The following MDGA2 variants were observed in gnomAD, a reference collection of about 807,000 sequenced individuals.
MDGA2 encodes MAM domain-containing glycosylphosphatidylinositol anchor protein 2.
A neutral mutation model predicts 117.8 loss-of-function variants in MDGA2; 40 were observed. That is an observed-to-expected ratio of 0.34 (90% CI 0.26 to 0.44). The LOEUF (loss-of-function observed/expected upper bound fraction) is 0.44, where lower values mean the gene tolerates loss of function less well. Ranked by LOEUF, MDGA2 falls within the 20% of genes least tolerant of loss-of-function variation. The pLI is 1.00. For synonymous variants in MDGA2, 452 were observed against 439.0 expected (o/e 1.03, Z -0.37); for missense variants, 1,123 against 1,250.6 (o/e 0.90, Z 1.54).
intron 2 of MDGA2, among the ~76,000 whole-genome samples, chr14:47,274,037 T>G (rs922713847): frequency 2.0e-5 from 3 of 152,158 alleles, no homozygotes; most frequent in Non-Finnish European, 2.9e-5. Flanking sequence ...CTTTTATTTT[T>G]TTAACGGCTT....
intron 10 of MDGA2, among the ~76,000 whole-genome samples, chr14:46,882,827 A>G (rs1017318734): frequency 6.6e-6 from 1 of 151,936 alleles, no homozygotes; most frequent in African/African-American, 2.4e-5. Context: ...ATCAGAGGAC[A>G]TCTCCATAAG....
intron 1 of MDGA2, among the ~76,000 whole-genome samples, chr14:47,433,540 G>A (rs1481821012): frequency 6.6e-6 from 1 of 152,074 alleles, no homozygotes; most frequent in African/African-American, 2.4e-5. Context: ...TCTTAATGAA[G>A]ATATTCCCTA....
chr14:47,072,100 T>G (rs1419962207), intron 6 of MDGA2, among the ~76,000 whole-genome samples: 1 of 27,916 alleles, frequency 3.6e-5, no homozygotes, highest in African/African-American at 1.2e-4. Flanking sequence ...TTGTTGTTGT[T>G]TGGGGGGGGG....
At chr14:47,355,540 G>A (rs535358326) in intron 1 of MDGA2, among the ~76,000 whole-genome samples, 22 of 152,094 alleles carry the variant, frequency 1.4e-4, no homozygotes, top group African/African-American at 5.3e-4. Flanking sequence ...TACCAGAAAA[G>A]GACCCTATAG....
At position 47,061,496 on chromosome 14, in the gene MDGA2, T is replaced by C; in HGVS notation, c.1278A>G (p.Ile426Met). 3 of 1,613,450 alleles carry C rather than the reference T, an allele frequency of 1.9e-6. No individual in the cohort carries two copies. Among genetic ancestry groups the C allele is most frequent in the Non-Finnish European group, 2.5e-6 (3 of 1,179,584 alleles). Residue 426 changes from isoleucine to methionine, a missense_variant, in exon 7 of 17, where the codon ATA (isoleucine) becomes ATG (methionine). Coordinates refer to ENST00000399232, the MANE Select transcript of MDGA2 (RefSeq NM_001113498.3). ...DNIQIGREVK[I>M]SCQVEAVPSE... The stretch of plus-strand genomic sequence containing the variant: ...AAGGAACAGCTTCTACTTGGCAAGA[T>C]ATTTTCACCTCACGGCCAATCTGGA...
At chr14:47,173,628 C>T (rs1425712383) in intron 3 of MDGA2, among the ~76,000 whole-genome samples, 4 of 152,052 alleles carry the variant, frequency 2.6e-5, no homozygotes, top group Non-Finnish European at 4.4e-5. Flanking sequence ...CAGGCCTGCC[C>T]TAAAAGAGCT....
At chr14:46,966,134 C>A (rs539541888) in intron 8 of MDGA2, among the ~76,000 whole-genome samples, 7 of 152,122 alleles carry the variant, frequency 4.6e-5, no homozygotes, top group African/African-American at 1.7e-4. Flanking sequence ...TTACTAAATG[C>A]TAGATACTGT....
At chr14:46,986,748 A>G (rs1313350834) in intron 8 of MDGA2, among the ~76,000 whole-genome samples, 1 of 152,110 alleles carries the variant, frequency 6.6e-6, no homozygotes, top group Non-Finnish European at 1.5e-5. Flanking sequence ...AGTAAGCTAT[A>G]TTTTATTGCC....
intron 1 of MDGA2, among the ~76,000 whole-genome samples, chr14:47,614,705 AGAAAAG>A (rs1896918026): frequency 6.6e-6 from 1 of 152,224 alleles, no homozygotes; most frequent in African/African-American, 2.4e-5. Context: ...CCTCTACTGA[AGAAAAG>A]GGAAAATGAG....
intron 1 of MDGA2, among the ~76,000 whole-genome samples, chr14:47,326,373 G>T (rs1162040818): frequency 6.6e-6 from 1 of 152,086 alleles, no homozygotes; most frequent in Non-Finnish European, 1.5e-5. Context: ...GTTTGAAGAG[G>T]TGAAGAATGA....
chr14:47,050,575 G>C (rs1381418865), intron 7 of MDGA2, among the ~76,000 whole-genome samples: 2 of 151,850 alleles, frequency 1.3e-5, no homozygotes, highest in East Asian at 1.9e-4. Flanking sequence ...ACCTTCATTT[G>C]TGTGCTGTAA....
intron 6 of MDGA2, among the ~76,000 whole-genome samples, chr14:47,067,237 G>C (rs76003424): frequency 6.6e-6 from 1 of 152,264 alleles, no homozygotes; most frequent in East Asian, 1.9e-4. Flanking sequence ...CATGCAAATT[G>C]TCACATTACT....
At chr14:47,144,049 G>A in intron 4 of MDGA2, 29 bp downstream of exon 4, 1 of 1,457,044 alleles carries the variant, frequency 6.9e-7, no homozygotes, top group Non-Finnish European at 9.3e-7. Flanking sequence ...TAGCAGAGTA[G>A]GGTGGAAATA....
intron 1 of MDGA2, among the ~76,000 whole-genome samples, chr14:47,495,340 G>C (rs542336041): frequency 4.6e-5 from 7 of 152,022 alleles, no homozygotes; most frequent in African/African-American, 7.2e-5. Flanking sequence ...CACTATTTGT[G>C]TGAAGTTCAG....
At chr14:47,501,448 G>C (rs1254160765) in intron 1 of MDGA2, among the ~76,000 whole-genome samples, 1 of 152,108 alleles carries the variant, frequency 6.6e-6, no homozygotes, top group East Asian at 1.9e-4. Context: ...ATAGTGTTAA[G>C]GATTTTGTAA....
chr14:47,265,907 A>G (rs1887950636), intron 2 of MDGA2, among the ~76,000 whole-genome samples: 1 of 152,156 alleles, frequency 6.6e-6, no homozygotes, highest in African/African-American at 2.4e-5. Context: ...AACACCTACC[A>G]CATAAGATAT....
At chr14:46,921,748 A>G (rs909432805) in intron 9 of MDGA2, among the ~76,000 whole-genome samples, 1 of 152,202 alleles carries the variant, frequency 6.6e-6, no homozygotes, top group Admixed American at 6.5e-5. Context: ...AAATGAAATA[A>G]AGGAGGTGAA....
At chr14:47,369,757 T>A (rs1762788343) in intron 1 of MDGA2, among the ~76,000 whole-genome samples, 2 of 152,156 alleles carry the variant, frequency 1.3e-5, no homozygotes, top group East Asian at 1.9e-4. Flanking sequence ...TTAATCATTT[T>A]TAAATGATTA....
chr14:47,053,648 T>TAC (rs1566595404), intron 7 of MDGA2, among the ~76,000 whole-genome samples: 1 of 42,238 alleles, frequency 2.4e-5, no homozygotes, highest in Non-Finnish European at 4.5e-5. Context: ...TATATATATA[T>TAC]ATATATACAC....
Sources: allele counts gnomAD v4.1 joint callset (sites outside exome capture counted in the v4.1 genomes callset), GRCh38; gene constraint gnomAD v4.1.1; transcripts MANE v1.5; gene names NCBI Gene and HGNC (gene_info 2026-07-23, HGNC 2026-07-21).